The following PLEKHA2 variants were observed in gnomAD, a reference collection of about 807,000 sequenced individuals.
PLEKHA2 encodes the protein pleckstrin homology domain-containing family A member 2.
A neutral mutation model predicts 53.2 loss-of-function variants in PLEKHA2; 28 were observed. The ratio of observed to expected loss-of-function variants is 0.53; its 90% CI spans 0.39 to 0.72. The LOEUF (loss-of-function observed/expected upper bound fraction) is 0.72, where lower values mean the gene tolerates loss of function less well. Ranked by LOEUF, PLEKHA2 falls within the 30% of genes least tolerant of loss-of-function variation. PLEKHA2 has a pLI of 0.00. For synonymous variants in PLEKHA2, 193 were observed against 196.4 expected (o/e 0.98, Z 0.14); for missense variants, 426 against 537.9 (o/e 0.79, Z 2.06).
intron 2 of PLEKHA2, among the ~76,000 whole-genome samples, chr8:38,930,217 T>TA (rs1834364849): frequency 6.6e-6 from 1 of 151,968 alleles, no homozygotes; most frequent in Non-Finnish European, 1.5e-5. Context: ...TTTATTTATT[T>TA]TTGAGATGGA....
chr8:38,969,367 T>C (rs2129425472), intron 11 of PLEKHA2, 54 bp from the exon 12 acceptor site: 2 of 1,572,956 alleles, frequency 1.3e-6, no homozygotes, highest in East Asian at 4.5e-5. Flanking sequence ...GTGATAAACA[T>C]TGTCTGAAAA....
chr8:38,911,547 C>T (rs987505228), intron 1 of PLEKHA2, among the ~76,000 whole-genome samples: 6 of 152,118 alleles, frequency 3.9e-5, no homozygotes, highest in African/African-American at 9.7e-5. Context: ...CCAGCATGAA[C>T]GCTTTCCATG....
chr8:38,960,428 A>G (rs544840930), intron 10 of PLEKHA2, among the ~76,000 whole-genome samples: 2 of 152,250 alleles, frequency 1.3e-5, no homozygotes, highest in East Asian at 1.9e-4. Context: ...GCAGTTAGCT[A>G]TGATCTCGCC....
chr8:38,926,482 A>C (rs1834291568), intron 2 of PLEKHA2, among the ~76,000 whole-genome samples: 1 of 151,986 alleles, frequency 6.6e-6, no homozygotes, highest in Admixed American at 6.6e-5. Flanking sequence ...GGGCCTGGTC[A>C]AAACATGCTT....
chr8:38,933,790 A>AAAAAAAAAAAAAAAAAGAAAAG (rs71216697), intron 2 of PLEKHA2, among the ~76,000 whole-genome samples: 14 of 90,658 alleles, frequency 1.5e-4, no homozygotes, highest in Admixed American at 4.9e-4. Flanking sequence ...AAAAAAAAAA[A>AAAAAAAAAAAAAAAAAGAAAAG]AAAAGAAAAG....
intron 3 of PLEKHA2, among the ~76,000 whole-genome samples, chr8:38,939,146 C>G (rs931730801): frequency 2.0e-5 from 3 of 152,086 alleles, no homozygotes; most frequent in African/African-American, 7.2e-5. Context: ...TCAGGTGATC[C>G]GCCTGCCTTG....
At position 38,970,097 on chromosome 8, in the gene PLEKHA2, T is replaced by C. The variant is rs1835220009; in HGVS notation, c.*314T>C. 1 of 467,646 alleles carries C rather than the reference T, an allele frequency of 2.1e-6. No individual in the cohort carries two copies. The highest frequency in any genetic ancestry group is 4.1e-5 in the Admixed American group (1 of 24,404). The allele number at this position is 467,646 out of a possible 1,614,324, so 29.0% of individuals were successfully genotyped here. ...ATTCTGAGGTCTTCCTGGAGAGGGA[T>C]TGTTTTAGCAGCTCCTCTCCAGAGG... On this transcript the variant is annotated 3_prime_UTR_variant, in exon 12 of 12. Transcript: ENST00000617275.
intron 5 of PLEKHA2, among the ~76,000 whole-genome samples, chr8:38,948,946 C>A (rs13273251): frequency 0.2 from 30,766 of 152,110 alleles, 3,119 homozygotes; most frequent in South Asian, 0.26. Flanking sequence ...TCTCGGCTCA[C>A]TGCAACCTCT....
At chr8:38,939,429 C>CCATG (rs1468504810) in intron 3 of PLEKHA2, among the ~76,000 whole-genome samples, 4 of 152,240 alleles carry the variant, frequency 2.6e-5, no homozygotes, top group African/African-American at 9.6e-5. Flanking sequence ...AATCGCCCTT[C>CCATG]CATGGTAAGC....
intron 10 of PLEKHA2, among the ~76,000 whole-genome samples, chr8:38,966,816 AAGGGG>A (rs1447760075): frequency 4.0e-5 from 6 of 151,896 alleles, no homozygotes; most frequent in African/African-American, 1.5e-4. Context: ...GTATAAATTT[AAGGGG>A]TACAAGTGCG....
chr8:38,918,180 T>C (rs1834095976), intron 2 of PLEKHA2, 110 bp downstream of exon 2: 2 of 1,390,300 alleles, frequency 1.4e-6, no homozygotes. Context: ...CACAACCTGC[T>C]GATCAGCAGG....
At position 38,936,069 on chromosome 8, in the gene PLEKHA2, T is replaced by C; in HGVS notation, c.198+19T>C. Reference sequence around the variant, plus strand: ...CTCGAAGGTAATGTTGACCTGGAACTCTGGGAATTCATGCTCTGTAAGTCG... The same window carrying C: ...CTCGAAGGTAATGTTGACCTGGAACCCTGGGAATTCATGCTCTGTAAGTCG... On this transcript the variant is annotated intron_variant, in intron 3 of 11. Transcript: ENST00000617275. 6.2e-7 allele frequency: 1 copy of C among 1,611,158 alleles called. No homozygotes were observed. Among genetic ancestry groups the C allele is most frequent in the Non-Finnish European group, 8.5e-7 (1 of 1,177,538 alleles).
intron 5 of PLEKHA2, 59 bp from the exon 6 acceptor site, chr8:38,950,791 G>T (rs2129422111): frequency 1.3e-6 from 2 of 1,569,354 alleles, no homozygotes; most frequent in South Asian, 2.3e-5. Flanking sequence ...TCTGTTTTGG[G>T]CTCCCCATGT....
At chr8:38,921,902 C>T (rs1327175991) in intron 2 of PLEKHA2, among the ~76,000 whole-genome samples, 1 of 152,206 alleles carries the variant, frequency 6.6e-6, no homozygotes, top group Non-Finnish European at 1.5e-5. Flanking sequence ...AACGGCCACT[C>T]CAGATTTAAG....
intron 2 of PLEKHA2, among the ~76,000 whole-genome samples, chr8:38,926,434 G>A (rs1238430510): frequency 6.7e-6 from 1 of 148,512 alleles, no homozygotes; most frequent in Non-Finnish European, 1.5e-5. Context: ...CGAGACTGAA[G>A]TGTAGTGTGC....
chr8:38,952,383 G>A, intron 7 of PLEKHA2, 71 bp downstream of exon 7: 1 of 1,549,832 alleles, frequency 6.5e-7, no homozygotes, highest in East Asian at 2.3e-5. Context: ...AGACATAGCA[G>A]AGGTGAGAGG....
chr8:38,910,748 T>G (rs1465811444), intron 1 of PLEKHA2, among the ~76,000 whole-genome samples: 2 of 152,236 alleles, frequency 1.3e-5, no homozygotes, highest in Non-Finnish European at 2.9e-5. Context: ...TTTAGCCTTA[T>G]GTATAACAGT....
At position 38,931,111 on chromosome 8, in the gene PLEKHA2, C is replaced by T. The variant is rs570683810; in HGVS notation, c.142-4883C>T. On this transcript the variant is annotated intron_variant, in intron 2 of 11. Coordinates refer to ENST00000617275, the MANE Select transcript of PLEKHA2 (RefSeq NM_021623.2). ...TGGCCAATATGGTGAAACCCCATCT[C>T]TACTAAAAATACAGAAATTAGCCGG... Among the ~76,000 whole-genome samples the T allele has an allele frequency of 1.2e-4, 19 of 152,226 alleles. No individual in the cohort carries two copies. The East Asian group carries it at 3.7e-3, about 29-fold the overall frequency.
At chr8:38,955,886 C>T (rs1834930272) in intron 9 of PLEKHA2, among the ~76,000 whole-genome samples, 2 of 152,218 alleles carry the variant, frequency 1.3e-5, no homozygotes, top group Non-Finnish European at 2.9e-5. Flanking sequence ...TCTCAGTTCA[C>T]TGCAGCCTCT....
Sources: gnomAD v4.1 joint callset for allele counts (sites outside exome capture counted in the v4.1 genomes callset) on GRCh38, gnomAD v4.1.1 for gene constraint, MANE v1.5 for transcripts, NCBI Gene and HGNC (gene_info 2026-07-23, HGNC 2026-07-21) for gene names.